The following TSPAN5 variants were observed in gnomAD, a reference collection of about 807,000 sequenced individuals.
The protein encoded by TSPAN5 is tetraspanin 5.
Under a neutral mutation model 37.1 loss-of-function variants are expected in TSPAN5, and 10 were observed. That is an observed-to-expected ratio of 0.27 (90% CI 0.17 to 0.46). TSPAN5 has a LOEUF of 0.46. Ranked by LOEUF, TSPAN5 falls within the 20% of genes least tolerant of loss-of-function variation. The pLI, the probability that TSPAN5 is intolerant of heterozygous loss-of-function variation, is 1.00. For missense variants in TSPAN5, 195 were observed against 326.6 expected (o/e 0.60, Z 3.11); for synonymous variants, 110 against 118.9 (o/e 0.93, Z 0.48).
chr4:98,618,746 A>G (rs6822225), intron 1 of TSPAN5, among the ~76,000 whole-genome samples: 21,178 of 152,236 alleles, frequency 0.14, 1,681 homozygotes, highest in Non-Finnish European at 0.17. Context: ...AGCAAAAACT[A>G]AAACTGCATT....
chr4:98,586,478 T>C (rs1755487751), intron 1 of TSPAN5, among the ~76,000 whole-genome samples: 2 of 152,182 alleles, frequency 1.3e-5, no homozygotes, highest in African/African-American at 4.8e-5. Flanking sequence ...CACAAATAGG[T>C]CTAGCACATT....
intron 1 of TSPAN5, among the ~76,000 whole-genome samples, chr4:98,592,421 GTTTTTTGTTT>G (rs1372344974): frequency 1.0e-5 from 1 of 95,260 alleles, no homozygotes; most frequent in African/African-American, 4.4e-5. Context: ...AGGGATCTCT[GTTTTTTGTTT>G]TTTTTTTTTT....
chr4:98,520,088 A>G (rs571979303), intron 1 of TSPAN5, among the ~76,000 whole-genome samples: 2 of 152,324 alleles, frequency 1.3e-5, no homozygotes, highest in Admixed American at 6.5e-5. Flanking sequence ...AAAGAGGATC[A>G]AGGCATTGTC....
intron 1 of TSPAN5, among the ~76,000 whole-genome samples, chr4:98,547,112 C>T (rs566816989): frequency 2.4e-4 from 36 of 152,280 alleles, no homozygotes; most frequent in African/African-American, 8.4e-4. Flanking sequence ...AAACACCTCG[C>T]TGGCTCCCCC....
rs1263184288 is a variant in TSPAN5 at position 98,472,098 on chromosome 4, A to T, written c.*424T>A. 2 of 154,484 alleles carry T rather than the reference A, an allele frequency of 1.3e-5. No homozygotes were observed. Among genetic ancestry groups the T allele is most frequent in the Non-Finnish European group, 2.9e-5 (2 of 69,832 alleles). 9.6% of individuals were successfully genotyped at this position (154,484 alleles called of 1,614,324 possible). On this transcript the variant is annotated 3_prime_UTR_variant, in exon 8 of 8. Transcript: ENST00000305798. ...AGGGGCTGAGTCTTTGAGGAGATGC[A>T]CTCCTTCAGGCCATGGAACAGAAAG...
At chr4:98,496,591 C>G (rs548430703) in intron 2 of TSPAN5, 1 of 152,286 alleles carries the variant, frequency 6.6e-6, no homozygotes, top group East Asian at 1.9e-4. Context: ...TCTTTTAGGT[C>G]TCCATACAAT....
At chr4:98,477,852 G>T (rs1752741877) in intron 5 of TSPAN5, among the ~76,000 whole-genome samples, 1 of 151,664 alleles carries the variant, frequency 6.6e-6, no homozygotes, top group Non-Finnish European at 1.5e-5. Context: ...TAGAGATGGG[G>T]TCTCACTATG....
chr4:98,630,025 C>T (rs1176510649), intron 1 of TSPAN5, among the ~76,000 whole-genome samples: 1 of 152,184 alleles, frequency 6.6e-6, no homozygotes, highest in Non-Finnish European at 1.5e-5. Flanking sequence ...AACGCTTTCC[C>T]TAAATCTTAA....
At chr4:98,499,875 T>C (rs993811734) in intron 2 of TSPAN5, among the ~76,000 whole-genome samples, 4 of 151,988 alleles carry the variant, frequency 2.6e-5, no homozygotes, top group Non-Finnish European at 2.9e-5. Context: ...TTAGCCAGCA[T>C]GGTTTCGATC....
At chr4:98,636,292 G>A (rs1756855537) in intron 1 of TSPAN5, among the ~76,000 whole-genome samples, 1 of 152,222 alleles carries the variant, frequency 6.6e-6, no homozygotes, top group South Asian at 2.1e-4. Context: ...GAGGGAGCCT[G>A]AATATTTTAT....
At chr4:98,570,783 A>G (rs546134468) in intron 1 of TSPAN5, among the ~76,000 whole-genome samples, 2 of 151,956 alleles carry the variant, frequency 1.3e-5, no homozygotes, top group Non-Finnish European at 2.9e-5. Flanking sequence ...ACGCTCTCCC[A>G]TTTTGCCATC....
At chr4:98,578,718 G>C (rs150162875) in intron 1 of TSPAN5, among the ~76,000 whole-genome samples, 508 of 152,218 alleles carry the variant, frequency 3.3e-3, no homozygotes, top group Middle Eastern at 0.017. Context: ...CCTGTGCCTA[G>C]CCTATTAGTA....
intron 2 of TSPAN5, among the ~76,000 whole-genome samples, chr4:98,489,651 C>T (rs1000103386): frequency 6.6e-6 from 1 of 152,162 alleles, no homozygotes; most frequent in Non-Finnish European, 1.5e-5. Context: ...GCAGGGTATC[C>T]GCTGTGCTCC....
chr4:98,657,143 C>T (rs1001523226), intron 1 of TSPAN5, among the ~76,000 whole-genome samples: 1 of 152,170 alleles, frequency 6.6e-6, no homozygotes, highest in Non-Finnish European at 1.5e-5. Context: ...AACGTTTTCC[C>T]CTTGTCCTGG....
chr4:98,500,104 T>A (rs1753311741), intron 2 of TSPAN5: 1 of 152,092 alleles, frequency 6.6e-6, no homozygotes, highest in Non-Finnish European at 1.5e-5. Context: ...CTTAAAGAAG[T>A]TTCAATGTTA....
intron 3 of TSPAN5, chr4:98,484,689 C>A: frequency 2.4e-6 from 1 of 419,886 alleles, no homozygotes; most frequent in South Asian, 1.7e-5. Flanking sequence ...TGAGCAGGTG[C>A]AGTGGCTCAT....
chr4:98,618,317 T>C (rs1332137003), intron 1 of TSPAN5, among the ~76,000 whole-genome samples: 2 of 152,102 alleles, frequency 1.3e-5, no homozygotes, highest in African/African-American at 4.8e-5. Flanking sequence ...ATCACACTAT[T>C]AATGTACTAA....
chr4:98,625,259 C>T (rs1157562429), intron 1 of TSPAN5, among the ~76,000 whole-genome samples: 1 of 152,118 alleles, frequency 6.6e-6, no homozygotes, highest in Non-Finnish European at 1.5e-5. Flanking sequence ...AAATTGCAAC[C>T]TCAGACATAA....
In TSPAN5 at chr4:98,592,614, GT is replaced by G. The variant is rs1326745019; in HGVS notation, c.81+65531del. The stretch of plus-strand genomic sequence containing the variant: ...CCCCGACCCCACCACAGTCCCCAGA[GT>G]GTGATATTCCCCTTCCTGTGTCCAT... On this transcript the variant is annotated intron_variant, in intron 1 of 7. Coordinates refer to ENST00000305798, the MANE Select transcript of TSPAN5 (RefSeq NM_005723.4). Among the ~76,000 whole-genome samples, 3 of 121,748 alleles carry G rather than the reference GT, an allele frequency of 2.5e-5. No individual in the cohort carries two copies. The Admixed American group carries it at 3.0e-4, about 12-fold the overall frequency. The allele number at this position is 121,748 out of a possible 152,430, so 79.9% of individuals were successfully genotyped here.
Sources: allele counts gnomAD v4.1 joint callset (sites outside exome capture counted in the v4.1 genomes callset), GRCh38; gene constraint gnomAD v4.1.1; transcripts MANE v1.5; gene names NCBI Gene and HGNC (gene_info 2026-07-23, HGNC 2026-07-21).